The following GZF1 variants were observed in gnomAD, a reference collection of about 807,000 sequenced individuals.
GZF1 encodes GDNF-inducible zinc finger protein 1.
A neutral mutation model predicts 49.4 loss-of-function variants in GZF1; 28 were observed. The ratio of observed to expected loss-of-function variants is 0.57; its 90% CI spans 0.42 to 0.78. The LOEUF (loss-of-function observed/expected upper bound fraction) is 0.78. Among genes scored for constraint, GZF1 ranks in the 30% least tolerant of loss-of-function variants. GZF1 has a pLI of 0.00. For missense variants in GZF1, 798 were observed against 916.2 expected (o/e 0.87, Z 1.67); for synonymous variants, 364 against 356.0 (o/e 1.02, Z -0.25).
At chr20:23,366,005 G>A (rs577497071) in intron 2 of GZF1, among the ~76,000 whole-genome samples, 2 of 152,318 alleles carry the variant, frequency 1.3e-5, no homozygotes, top group Non-Finnish European at 2.9e-5. Flanking sequence ...CCGCGGGCTC[G>A]CCCCACCGTG....
chr20:23,363,428 G>A (rs1980927288), intron 1 of GZF1: 1 of 152,384 alleles, frequency 6.6e-6, no homozygotes, highest in Non-Finnish European at 1.5e-5. Context: ...TGGGGTTGGT[G>A]AAATTTGCAT....
In GZF1 at chr20:23,365,141, G is replaced by T; in HGVS notation, c.758G>T (p.Gly253Val). 1.2e-6 allele frequency: 2 copies of T among 1,614,026 alleles called. No individual in the cohort carries two copies. Among genetic ancestry groups the T allele is most frequent in the South Asian group, 2.2e-5 (2 of 91,068 alleles). The change falls in exon 2 of 6, where the codon GGT (glycine) becomes GTT (valine). Residue 253 changes from glycine to valine, a missense_variant. Gly to Val is a moderately radical substitution (Grantham distance 109, BLOSUM62 -3). This residue lies in a region of GZF1 where 247 missense variants were observed against 228.5 expected (regional missense o/e 1.08). Transcript: ENST00000338121. ...CGAGAGCAGCAGAAAACTGCTGAGG[G>T]TGATGTGGGGGACTACAGGTGTCCC... ...RLREQQKTAE[G>V]DVGDYRCPQD...
Position 23,365,512 on chromosome 20 carries a change from T to G in GZF1, c.1129T>G (p.Phe377Val). The change falls in exon 2 of 6, where the codon TTC becomes GTC. Residue 377 changes from phenylalanine to valine, a missense_variant. Phe to Val is a conservative substitution (Grantham distance 50). Around this residue, in one of 3 missense-constraint regions of GZF1, gnomAD observed 446 missense variants for 540.1 expected, o/e 0.83. Transcript: ENST00000338121. ...QRHVHSSERH[F>V]PCELCGKKFK... ...CCACGTGCACAGCAGCGAGCGCCAT[T>G]TCCCATGCGAGCTGTGCGGGAAGAA... 6.2e-7 allele frequency: 1 copy of G among 1,613,730 alleles called. No homozygotes were observed. The highest frequency in any genetic ancestry group is 1.1e-5 in the South Asian group (1 of 91,074).
upstream of GZF1, among the ~76,000 whole-genome samples, chr20:23,361,994 T>A (rs1418608108): frequency 1.3e-5 from 2 of 152,086 alleles, no homozygotes; most frequent in Non-Finnish European, 2.9e-5. Context: ...GGTGACGCAA[T>A]CCGGCGTCGC....
chr20:23,364,139 T>G (rs1257204878), intron 1 of GZF1, among the ~76,000 whole-genome samples: 1 of 152,236 alleles, frequency 6.6e-6, no homozygotes, highest in Admixed American at 6.5e-5. Context: ...GGAGGAAACC[T>G]TAGAATACAC....
chr20:23,364,059 T>C (rs1004883020), intron 1 of GZF1, among the ~76,000 whole-genome samples: 2 of 152,218 alleles, frequency 1.3e-5, no homozygotes, highest in African/African-American at 4.8e-5. Flanking sequence ...AATTAGACAG[T>C]GACCTTGGTG....
Position 23,363,399 on chromosome 20 carries a change from G to T in GZF1, c.-21-964G>T, listed in dbSNP as rs144915476. 3.3e-5 allele frequency: 5 copies of T among 152,480 alleles called. No homozygotes were observed. The East Asian group carries it at 7.7e-4, about 24-fold the overall frequency. The allele number at this position is 152,480 out of a possible 1,614,324, so 9.4% of individuals were successfully genotyped here. ...GCAGCAGAAATGACGATGGGGTGAC[G>T]GTATCTGGAGGCCTTAGGTGGGGTT... On this transcript the variant is annotated intron_variant, in intron 1 of 5. Transcript: ENST00000338121.
chr20:23,363,861 A>C (rs1389395049), intron 1 of GZF1, among the ~76,000 whole-genome samples: 1 of 152,244 alleles, frequency 6.6e-6, no homozygotes, highest in Non-Finnish European at 1.5e-5. Context: ...CTACTTTTCC[A>C]AGAAGTTTTC....
At chr20:23,368,621 T>C in intron 3 of GZF1, 141 bp from the exon 4 acceptor site, 1 of 468,934 alleles carries the variant, frequency 2.1e-6, no homozygotes, top group Non-Finnish European at 3.7e-6. Flanking sequence ...ATATATTTTA[T>C]GATAGTTTTT....
intron 2 of GZF1, 119 bp downstream of exon 2, chr20:23,365,866 A>G: frequency 7.2e-7 from 1 of 1,389,314 alleles, no homozygotes; most frequent in South Asian, 1.5e-5. Context: ...CTGGGGGCTT[A>G]TTTCGAGACA....
chr20:23,362,208 A>C lies in GZF1; in HGVS notation c.-51A>C, dbSNP rs1363521757. 5 of 152,038 alleles carry C rather than the reference A, an allele frequency of 3.3e-5. No homozygotes were observed. Among genetic ancestry groups the C allele is most frequent in the Non-Finnish European group, 7.3e-5 (5 of 68,040 alleles). 9.4% of individuals were successfully genotyped at this position (152,038 alleles called of 1,614,324 possible). A position where few individuals can be genotyped will look rare whatever the true frequency, so the allele number is the denominator to read the frequency against. The stretch of plus-strand genomic sequence containing the variant: ...TTCCTACCGGCCTGGTCCAGCGGAC[A>C]GCGGCTGCAGCGGGGGCGCCGGCTG... On this transcript the variant is annotated 5_prime_UTR_variant, in exon 1 of 6. Transcript: ENST00000338121.
rs1568585254 is a variant in GZF1, at chr20:23,365,389, A to G, written c.1006A>G (p.Ser336Gly). ...FLYEKSFLKH[S>G]KHRHGVATEV... The stretch of plus-strand genomic sequence containing the variant: ...GTATGAGAAGAGCTTCCTGAAGCAC[A>G]GCAAGCACCGCCACGGCGTGGCCAC... The change falls in exon 2 of 6, where the codon AGC (serine) becomes GGC (glycine). Residue 336 changes from serine (S) to glycine (G), a missense_variant. Ser to Gly is a moderately conservative substitution (Grantham distance 56, BLOSUM62 0). Transcript: ENST00000338121. 1 of 1,613,834 alleles carries G rather than the reference A, an allele frequency of 6.2e-7. No individual in the cohort carries two copies. The highest frequency in any genetic ancestry group is 1.7e-5 in the Admixed American group (1 of 60,014).
rs552713052 is a variant in GZF1, at chr20:23,370,403, A to T, written c.2098A>T (p.Met700Leu). The T allele has an allele frequency of 6.2e-7, 1 of 1,613,758 alleles. No homozygotes were observed. Among genetic ancestry groups the T allele is most frequent in the Admixed American group, 1.7e-5 (1 of 60,020 alleles). ...LSELTPQTDSMPTQLHSLSNM... is the reference protein window; with the variant it reads ...LSELTPQTDSLPTQLHSLSNM... Reference sequence around the variant, plus strand: ...CGAGCTGACCCCACAGACAGACTCGATGCCCACACAGCTTCACTCTTTGAG... The same window carrying T: ...CGAGCTGACCCCACAGACAGACTCGTTGCCCACACAGCTTCACTCTTTGAG... Residue 700 changes from methionine to leucine, a missense_variant, in exon 6 of 6, where the codon ATG becomes TTG. This residue lies in a region of GZF1 where 446 missense variants were observed against 540.1 expected (regional missense o/e 0.83). Transcript: ENST00000338121.
intron 3 of GZF1, among the ~76,000 whole-genome samples, chr20:23,367,654 C>T (rs1360282980): frequency 6.6e-6 from 1 of 152,170 alleles, no homozygotes; most frequent in East Asian, 1.9e-4. Context: ...AAAACCTGCA[C>T]ATAAAAGACC....
intron 5 of GZF1, 61 bp downstream of exon 5, chr20:23,369,802 A>C: frequency 6.5e-7 from 1 of 1,528,830 alleles, no homozygotes; most frequent in Non-Finnish European, 8.9e-7. Flanking sequence ...ACGGAAAGAG[A>C]AATACCTACC....
chr20:23,361,293 G>C (rs1332985845), upstream of GZF1, among the ~76,000 whole-genome samples: 1 of 152,192 alleles, frequency 6.6e-6, no homozygotes, highest in African/African-American at 2.4e-5. Context: ...AGTTTATTGA[G>C]AACTGGAAGT....
intron 2 of GZF1, among the ~76,000 whole-genome samples, 166 bp downstream of exon 2, chr20:23,365,913 TG>T (rs763763104): frequency 6.6e-6 from 1 of 152,210 alleles, no homozygotes; most frequent in Non-Finnish European, 1.5e-5. Context: ...GGGCTGCGAG[TG>T]ATGGCTCTGC....
rs1982191024 is a variant in GZF1 at position 23,372,664 on chromosome 20, C to A, written c.*2223C>A. On this transcript the variant is annotated 3_prime_UTR_variant, in exon 6 of 6. Transcript: ENST00000338121. The stretch of plus-strand genomic sequence containing the variant: ...TCCTGGAGCATCTGCCCCATTCCTC[C>A]AAGTCCAAGCACAGCCATGCTGAGT... 1 of 152,270 alleles carries A rather than the reference C, an allele frequency of 6.6e-6. No individual in the cohort carries two copies. The highest frequency in any genetic ancestry group is 6.5e-5 in the Admixed American group (1 of 15,286). 9.4% of individuals were successfully genotyped at this position (152,270 alleles called of 1,614,324 possible). A position where few individuals can be genotyped will look rare whatever the true frequency, so the allele number is the denominator to read the frequency against.
Position 23,365,137 on chromosome 20 carries a change from G to A in GZF1, c.754G>A (p.Glu252Lys). ...ACTCCGAGAGCAGCAGAAAACTGCT[G>A]AGGGTGATGTGGGGGACTACAGGTG... Reference protein sequence around the residue: ...RRLREQQKTAEGDVGDYRCPQ... With the variant: ...RRLREQQKTAKGDVGDYRCPQ... Residue 252 changes from glutamate to lysine, a missense_variant, in exon 2 of 6, where the codon GAG (glutamate) becomes AAG (lysine). Transcript: ENST00000338121. The A allele has an allele frequency of 6.2e-7, 1 of 1,614,046 alleles. No homozygotes were observed. The highest frequency in any genetic ancestry group is 8.5e-7 in the Non-Finnish European group (1 of 1,180,038).
Sources: allele counts gnomAD v4.1 joint callset (sites outside exome capture counted in the v4.1 genomes callset), GRCh38; gene constraint gnomAD v4.1.1; regional missense constraint gnomAD v4.1.1; transcripts MANE v1.5; gene names NCBI Gene and HGNC (gene_info 2026-07-23, HGNC 2026-07-21).